Variants in SLC17A1 observed in about 807,000 individuals in gnomAD.
SLC17A1 encodes the protein solute carrier family 17 member 1.
Under a neutral mutation model 53.5 loss-of-function variants are expected in SLC17A1, and 51 were observed. The ratio of observed to expected loss-of-function variants is 0.95; its 90% CI spans 0.76 to 1.20. SLC17A1 has a LOEUF of 1.20. Ranked by LOEUF, SLC17A1 falls within the 50% of genes most tolerant of loss-of-function variation. SLC17A1 has a pLI of 0.00. For missense variants in SLC17A1, 538 were observed against 568.2 expected, an observed-to-expected ratio of 0.95 and a Z score of 0.54; for synonymous variants, 179 against 198.8, an observed-to-expected ratio of 0.90 and a Z score of 0.84.
the SLC17A1 span, among the ~76,000 whole-genome samples, chr6:25,738,287 T>C: frequency 3.3e-5 from 5 of 152,212 alleles, no homozygotes; most frequent in East Asian, 9.6e-4. Context: ...CAACTGAGTT[T>C]TGACAAAGAT....
chr6:25,756,202 T>C, the SLC17A1 span, among the ~76,000 whole-genome samples: 1 of 152,054 alleles, frequency 6.6e-6, no homozygotes, highest in Admixed American at 6.5e-5. Context: ...GCCCACCCCT[T>C]TGATCTCATC....
the SLC17A1 span, among the ~76,000 whole-genome samples, chr6:25,768,646 A>C: frequency 6.6e-6 from 1 of 152,090 alleles, no homozygotes; most frequent in Non-Finnish European, 1.5e-5. Context: ...GTCCATACCC[A>C]ATCGGTCACT....
At chr6:25,773,644 C>G in the SLC17A1 span, 1 of 1,613,690 alleles carries the variant, frequency 6.2e-7, no homozygotes, top group South Asian at 1.1e-5. Flanking sequence ...CAACGTACAT[C>G]AGCTCGGTAC....
intron 2 of SLC17A1, among the ~76,000 whole-genome samples, chr6:25,828,025 A>C (rs1231344618): frequency 6.6e-6 from 1 of 152,176 alleles, no homozygotes; most frequent in Non-Finnish European, 1.5e-5. Flanking sequence ...GCCTATGATT[A>C]ATCCCTCCTA....
At chr6:25,811,210 C>G (rs559582129) in intron 10 of SLC17A1, among the ~76,000 whole-genome samples, 188 bp downstream of exon 10, 1 of 152,060 alleles carries the variant, frequency 6.6e-6, no homozygotes, top group South Asian at 2.1e-4. Context: ...CTTGAAAATT[C>G]CTAAGAGTAA....
At chr6:25,827,971 AC>A (rs1764812054) in intron 2 of SLC17A1, among the ~76,000 whole-genome samples, 2 of 152,262 alleles carry the variant, frequency 1.3e-5, no homozygotes, top group African/African-American at 4.8e-5. Context: ...ATCTCATAGC[AC>A]AAAGTCCAAA....
the SLC17A1 span, among the ~76,000 whole-genome samples, chr6:25,740,602 G>A: frequency 6.6e-6 from 1 of 152,116 alleles, no homozygotes; most frequent in African/African-American, 2.4e-5. Context: ...TTACTGATGA[G>A]CTCCTTTCTC....
At chr6:25,786,524 G>C (rs1763386157) in intron 12 of SLC17A1, among the ~76,000 whole-genome samples, 1 of 152,142 alleles carries the variant, frequency 6.6e-6, no homozygotes, top group Non-Finnish European at 1.5e-5. Context: ...CAGGCCCAAG[G>C]GACCACCTAG....
the SLC17A1 span, among the ~76,000 whole-genome samples, chr6:25,763,990 G>A: frequency 6.6e-6 from 1 of 152,046 alleles, no homozygotes; most frequent in African/African-American, 2.4e-5. Context: ...GGAAGCAAAA[G>A]TCAGGTTGGT....
At chr6:25,830,385 G>C (rs948024898) in intron 2 of SLC17A1, 139 bp downstream of exon 2, 7 of 632,902 alleles carry the variant, frequency 1.1e-5, no homozygotes, top group Admixed American at 8.3e-5. Flanking sequence ...ACCATAGTAG[G>C]ACTGGTTTCT....
intron 3 of SLC17A1, among the ~76,000 whole-genome samples, 159 bp from the exon 4 acceptor site, chr6:25,820,074 C>A (rs971542413): frequency 6.6e-6 from 1 of 152,148 alleles, no homozygotes; most frequent in Non-Finnish European, 1.5e-5. Context: ...TTTTATCACA[C>A]CATTTTCTGT....
At chr6:25,815,911 CT>C (rs59495721) in intron 6 of SLC17A1, among the ~76,000 whole-genome samples, 44,191 of 133,974 alleles carry the variant, frequency 0.33, 6,899 homozygotes, top group South Asian at 0.43. Flanking sequence ...AAAATGCTTA[CT>C]TTTTTTTTTT....
At chr6:25,740,568 T>C in the SLC17A1 span, among the ~76,000 whole-genome samples, 312 of 152,316 alleles carry the variant, frequency 2.0e-3, 2 homozygotes, top group Middle Eastern at 0.02. Context: ...AAGAATGGAC[T>C]ATATGGAATG....
downstream of SLC17A1, among the ~76,000 whole-genome samples, chr6:25,781,464 G>C (rs972930930): frequency 1.3e-5 from 2 of 151,690 alleles, no homozygotes; most frequent in Non-Finnish European, 2.9e-5. Flanking sequence ...GAGAAGTTTG[G>C]GTATGAAAGG....
intron 3 of SLC17A1, among the ~76,000 whole-genome samples, chr6:25,823,999 A>C (rs956992117): frequency 6.6e-5 from 10 of 152,012 alleles, no homozygotes; most frequent in African/African-American, 2.4e-4. Context: ...TCAGTGGAGA[A>C]AGAAAAGTTT....
intron 10 of SLC17A1, among the ~76,000 whole-genome samples, chr6:25,807,310 A>G (rs1313451288): frequency 6.6e-6 from 1 of 152,196 alleles, no homozygotes; most frequent in Non-Finnish European, 1.5e-5. Flanking sequence ...TGATGCGTGT[A>G]TAAAGAAAAT....
the SLC17A1 span, among the ~76,000 whole-genome samples, chr6:25,733,806 A>ATG: frequency 0.017 from 2,328 of 133,896 alleles, 24 homozygotes; most frequent in African/African-American, 0.041. Context: ...GTGTGTGTGT[A>ATG]TGTGTGTGTG....
intron 12 of SLC17A1, among the ~76,000 whole-genome samples, chr6:25,787,075 A>C (rs1307032313): frequency 6.6e-6 from 1 of 150,572 alleles, no homozygotes; most frequent in Admixed American, 6.6e-5. Flanking sequence ...TAAATAAATA[A>C]GAGTGTGGGG....
the SLC17A1 span, chr6:25,726,747 T>C: frequency 9.0e-7 from 1 of 1,110,480 alleles, no homozygotes; most frequent in East Asian, 2.4e-5. Context: ...GCCGTGCCTA[T>C]AAATACCGCA....
Sources: allele counts gnomAD v4.1 joint callset (sites outside exome capture counted in the v4.1 genomes callset), GRCh38; gene constraint gnomAD v4.1.1; transcripts MANE v1.5; gene names NCBI Gene and HGNC (gene_info 2026-07-23, HGNC 2026-07-21).